ZNF441: variants seen among roughly 807,000 people sequenced by gnomAD.
ZNF441 encodes zinc finger protein 441.
In ZNF441, 25 loss-of-function variants were observed where a neutral mutation model predicts 64.5. The ratio of observed to expected loss-of-function variants is 0.39; its 90% CI spans 0.28 to 0.54. The LOEUF is 0.54. Ranked by LOEUF, ZNF441 falls within the 20% of genes least tolerant of loss-of-function variation. The pLI, the probability that ZNF441 is intolerant of heterozygous loss-of-function variation, is 0.70. For missense variants in ZNF441, 715 were observed against 843.3 expected (o/e 0.85, Z 1.88); for synonymous variants, 262 against 268.0 (o/e 0.98, Z 0.22).
rs1279386954 is a variant in ZNF441, at chr19:11,767,875, G to A, written c.3+679G>A. The stretch of plus-strand genomic sequence containing the variant: ...CTGTGGCCTGACTCTTGGGGAGGCG[G>A]CCCCGCGAGGCAGCGGGGCTGAGGG... On this transcript the variant is annotated intron_variant, in intron 1 of 3. Transcript: ENST00000357901. This position sits in a 1 kb window ranked among gnomAD's most constrained non-coding sequence, Gnocchi z 5.1. Among the ~76,000 whole-genome samples the A allele has an allele frequency of 2.0e-5, 3 of 152,328 alleles. No individual in the cohort carries two copies. The highest frequency in any genetic ancestry group is 3.9e-4 in the East Asian group (2 of 5,174).
At chr19:11,773,864 A>T (rs1373756498) in intron 1 of ZNF441, among the ~76,000 whole-genome samples, 4 of 152,116 alleles carry the variant, frequency 2.6e-5, no homozygotes, top group Non-Finnish European at 5.9e-5. Flanking sequence ...CTTTTTCATT[A>T]TACTCTGCCA....
intron 1 of ZNF441, among the ~76,000 whole-genome samples, chr19:11,776,971 G>T (rs1975360136): frequency 1.3e-5 from 2 of 152,264 alleles, no homozygotes; most frequent in South Asian, 4.2e-4. Flanking sequence ...ACCATACCGG[G>T]CTAATTTTTT....
In ZNF441 at chr19:11,782,018, TA is replaced by T; in HGVS notation, c.*116del. The T allele has an allele frequency of 1.2e-6, 1 of 840,768 alleles. No homozygotes were observed. Among genetic ancestry groups the T allele is most frequent in the East Asian group, 2.8e-5 (1 of 36,100 alleles). The allele number at this position is 840,768 out of a possible 1,614,324, so 52.1% of individuals were successfully genotyped here. A position where few individuals can be genotyped will look rare whatever the true frequency, so the allele number is the denominator to read the frequency against. ...AAGTTGTATGAATATAAAAATGTAC[TA>T]AAACCTTCCATTTTTTTCAGTACCT... On this transcript the variant is annotated 3_prime_UTR_variant, in exon 4 of 4. Transcript: ENST00000357901.
intron 1 of ZNF441, among the ~76,000 whole-genome samples, chr19:11,776,143 T>G (rs1397373654): frequency 1.3e-5 from 2 of 152,216 alleles, no homozygotes; most frequent in Non-Finnish European, 2.9e-5. Flanking sequence ...GACCTTTGGA[T>G]AGTCCACAGA....
chr19:11,772,138 C>T (rs1008330195), intron 1 of ZNF441, among the ~76,000 whole-genome samples: 1 of 152,216 alleles, frequency 6.6e-6, no homozygotes, highest in Non-Finnish European at 1.5e-5. Context: ...GGGCCCCCGT[C>T]CAGTGGACAT....
At chr19:11,773,710 G>A (rs565037890) in intron 1 of ZNF441, among the ~76,000 whole-genome samples, 56 of 152,182 alleles carry the variant, frequency 3.7e-4, no homozygotes, top group Middle Eastern at 3.4e-3. Context: ...TATCTCCATC[G>A]TGTGTAATTT....
intron 1 of ZNF441, among the ~76,000 whole-genome samples, chr19:11,774,035 A>G (rs971424682): frequency 6.6e-6 from 1 of 151,966 alleles, no homozygotes; most frequent in Non-Finnish European, 1.5e-5. Context: ...TTGACTGAGC[A>G]TGTATATGAT....
intron 1 of ZNF441, among the ~76,000 whole-genome samples, chr19:11,770,932 C>CA (rs33976066): frequency 0.018 from 2,177 of 120,008 alleles, 43 homozygotes; most frequent in African/African-American, 0.056. Context: ...AACTCTGTTT[C>CA]AAAAAAAAAA....
intron 1 of ZNF441, among the ~76,000 whole-genome samples, chr19:11,773,387 C>T (rs1279301843): frequency 2.0e-5 from 3 of 152,154 alleles, no homozygotes; most frequent in South Asian, 4.1e-4. Context: ...TTGGTATATA[C>T]TTCATGAGGG....
intron 2 of ZNF441, 192 bp downstream of exon 2, chr19:11,777,929 A>G: frequency 3.9e-6 from 2 of 515,616 alleles, no homozygotes; most frequent in Non-Finnish European, 3.4e-6. Flanking sequence ...ATTACTGGTA[A>G]CATAAACAGT....
chr19:11,776,154 T>C (rs191954824), intron 1 of ZNF441, among the ~76,000 whole-genome samples: 53 of 152,312 alleles, frequency 3.5e-4, no homozygotes, highest in Admixed American at 2.9e-3. Context: ...AGTCCACAGA[T>C]GGATTGAAAA....
chr19:11,779,318 CAAAAAAAA>C (rs67463970), intron 3 of ZNF441, among the ~76,000 whole-genome samples: 3 of 103,432 alleles, frequency 2.9e-5, no homozygotes, highest in Non-Finnish European at 4.1e-5. Context: ...AACCCAGTTT[CAAAAAAAA>C]AAAAAAAAAA....
intron 3 of ZNF441, 86 bp from the exon 4 acceptor site, chr19:11,779,933 A>T: frequency 8.3e-7 from 1 of 1,204,000 alleles, no homozygotes. Context: ...GAAAAGAAAG[A>T]AAGAAAAGAA....
chr19:11,776,902 G>A (rs969419053), intron 1 of ZNF441, among the ~76,000 whole-genome samples: 2 of 151,856 alleles, frequency 1.3e-5, no homozygotes, highest in South Asian at 2.1e-4. Context: ...TTCGCCTCCC[G>A]GGTTCAAGCA....
chr19:11,783,793 T>A lies in ZNF441; in HGVS notation c.*1887T>A, dbSNP rs1207254748. 1 of 152,176 alleles carries A rather than the reference T, an allele frequency of 6.6e-6. No homozygotes were observed. Among genetic ancestry groups the A allele is most frequent in the Non-Finnish European group, 1.5e-5 (1 of 68,028 alleles). The allele number at this position is 152,176 out of a possible 1,614,324, so 9.4% of individuals were successfully genotyped here. On this transcript the variant is annotated 3_prime_UTR_variant, in exon 4 of 4. Transcript: ENST00000357901. ...GGAAATGAAGAGAAATTGGTGAATA[T>A]GTACAAATTTCCATTTAGATCAAAG...
Position 11,780,454 on chromosome 19 carries a change from A to C in ZNF441, c.630A>C (p.Leu210Phe). ...GAAACGCCTTTATTTGGCCTAGTTT[A>C]TTTCATATGCTTAGAAGAACTCACA... ...LCGNAFIWPS[L>F]FHMLRRTHTE... Residue 210 changes from leucine (L) to phenylalanine (F), a missense_variant, in exon 4 of 4, where the codon TTA becomes TTC. Around this residue, in one of 2 missense-constraint regions of ZNF441, gnomAD observed 399 missense variants for 413.9 expected, o/e 0.96. Transcript: ENST00000357901. The C allele has an allele frequency of 6.2e-7, 1 of 1,614,206 alleles. No individual in the cohort carries two copies. The highest frequency in any genetic ancestry group is 1.1e-5 in the South Asian group (1 of 91,082).
At chr19:11,772,864 G>C (rs1975325521) in intron 1 of ZNF441, among the ~76,000 whole-genome samples, 1 of 152,136 alleles carries the variant, frequency 6.6e-6, no homozygotes, top group Non-Finnish European at 1.5e-5. Context: ...CTTCAGCCTG[G>C]ACAACAAAGC....
chr19:11,767,376 C>G lies in ZNF441; in HGVS notation c.3+180C>G, dbSNP rs1261071398. Among the ~76,000 whole-genome samples the G allele has an allele frequency of 2.0e-5, 3 of 152,196 alleles. No individual in the cohort carries two copies. The highest frequency in any genetic ancestry group is 6.5e-5 in the Admixed American group (1 of 15,278). On this transcript the variant is annotated intron_variant, in intron 1 of 3. Transcript: ENST00000357901. This position sits in a 1 kb window ranked among gnomAD's most constrained non-coding sequence, Gnocchi z 5.1. Reference sequence around the variant, plus strand: ...GCAGCCGGGACCCCGGGCGTCCTGTCCCGTCCCTGCGCGGCCACTGCGGCC... The same window carrying G: ...GCAGCCGGGACCCCGGGCGTCCTGTGCCGTCCCTGCGCGGCCACTGCGGCC...
intron 3 of ZNF441, among the ~76,000 whole-genome samples, chr19:11,779,355 G>A (rs1006403976): frequency 2.0e-5 from 3 of 150,310 alleles, no homozygotes; most frequent in African/African-American, 7.3e-5. Context: ...AAAAAGAAAG[G>A]CTGGGTATGG....
Sources: gnomAD v4.1 joint callset for allele counts (sites outside exome capture counted in the v4.1 genomes callset) on GRCh38, gnomAD v4.1.1 for gene constraint, gnomAD v4.1.1 regional missense constraint, Gnocchi (gnomAD v3.1) non-coding constraint, MANE v1.5 for transcripts, NCBI Gene and HGNC (gene_info 2026-07-23, HGNC 2026-07-21) for gene names.